The following SORCS2 variants were observed in gnomAD, a reference collection of about 807,000 sequenced individuals.
SORCS2 encodes the protein sortilin related VPS10 domain containing receptor 2, also known as VPS10 domain-containing receptor SorCS2.
Under a neutral mutation model 141.6 loss-of-function variants are expected in SORCS2, and 100 were observed. The ratio of observed to expected loss-of-function variants is 0.71; its 90% CI spans 0.60 to 0.83. The LOEUF (loss-of-function observed/expected upper bound fraction) is 0.83. SORCS2 is among the 40% of genes least tolerant of loss of function. The pLI, the probability that SORCS2 is intolerant of heterozygous loss-of-function variation, is 0.00. For missense variants in SORCS2, 1,646 were observed against 1,560.2 expected (o/e 1.05, Z -0.93); for synonymous variants, 789 against 676.9 (o/e 1.17, Z -2.57).
intron 3 of SORCS2, among the ~76,000 whole-genome samples, chr4:7,622,356 T>G (rs1019631887): frequency 2.5e-4 from 38 of 152,328 alleles, no homozygotes; most frequent in African/African-American, 8.9e-4. Context: ...TTTTATTCTG[T>G]GCCTTGCAGG....
At chr4:7,203,407 G>C (rs1024552276) in intron 1 of SORCS2, among the ~76,000 whole-genome samples, 2 of 152,208 alleles carry the variant, frequency 1.3e-5, no homozygotes, top group Non-Finnish European at 2.9e-5. Flanking sequence ...CTGGGCGACA[G>C]AGCAAGACTC....
intron 3 of SORCS2, among the ~76,000 whole-genome samples, chr4:7,606,487 C>G (rs1244730030): frequency 6.6e-6 from 1 of 152,116 alleles, no homozygotes; most frequent in Non-Finnish European, 1.5e-5. Flanking sequence ...CCTCCCAGAC[C>G]TGTAAGCTTC....
At chr4:7,470,262 C>T (rs905598570) in intron 2 of SORCS2, among the ~76,000 whole-genome samples, 4 of 151,830 alleles carry the variant, frequency 2.6e-5, no homozygotes, top group Non-Finnish European at 5.9e-5. Flanking sequence ...TCCTCCCATC[C>T]TCCCATCCTG....
At chr4:7,565,340 T>C (rs2109688777) in intron 3 of SORCS2, among the ~76,000 whole-genome samples, 1 of 152,210 alleles carries the variant, frequency 6.6e-6, no homozygotes, top group African/African-American at 2.4e-5. Context: ...GACCAGAAGA[T>C]GATGAGGATA....
intron 3 of SORCS2, among the ~76,000 whole-genome samples, chr4:7,570,455 G>T (rs1333680325): frequency 6.6e-6 from 1 of 152,250 alleles, no homozygotes; most frequent in African/African-American, 2.4e-5. Context: ...CTGCCCTGCA[G>T]GCTGGAGGCG....
At chr4:7,721,465 T>TA (rs574484344) in intron 18 of SORCS2, among the ~76,000 whole-genome samples, 23 of 150,624 alleles carry the variant, frequency 1.5e-4, no homozygotes, top group South Asian at 1.5e-3. Flanking sequence ...GATCCCGTCT[T>TA]AAAAAAAAAA....
intron 2 of SORCS2, among the ~76,000 whole-genome samples, chr4:7,530,067 G>A (rs1733926119): frequency 6.6e-6 from 1 of 152,214 alleles, no homozygotes. Flanking sequence ...AGCATGCCCA[G>A]AGATGATAAA....
At chr4:7,728,629 G>C (rs1018269046) in intron 22 of SORCS2, among the ~76,000 whole-genome samples, 167 bp downstream of exon 22, 1 of 152,182 alleles carries the variant, frequency 6.6e-6, no homozygotes, top group African/African-American at 2.4e-5. Context: ...TATGGATGGG[G>C]GGCAGGCACA....
In SORCS2 at chr4:7,723,845, C is replaced by G; in HGVS notation, c.2573C>G (p.Ala858Gly). 1.2e-6 allele frequency: 2 copies of G among 1,612,004 alleles called. No homozygotes were observed. Among genetic ancestry groups the G allele is most frequent in the Non-Finnish European group, 1.7e-6 (2 of 1,179,812 alleles). ...GTGTCCGTCAGGGCAGAGAACACGG[C>G]AGGCCACGATGAGGCGGTGCTCTTT... is the stretch of plus-strand genomic sequence containing the variant. ...YRVSVRAENT[A>G]GHDEAVLFVQ... The change falls in exon 19 of 27, where the codon GCA becomes GGA. Residue 858 changes from alanine to glycine, a missense_variant. Physicochemically the swap from Ala to Gly is moderately conservative, Grantham distance 60. Transcript: ENST00000507866.
intron 20 of SORCS2, among the ~76,000 whole-genome samples, chr4:7,726,205 G>T (rs1318946353): frequency 6.6e-6 from 1 of 152,228 alleles, no homozygotes; most frequent in Non-Finnish European, 1.5e-5. Flanking sequence ...GTGGAGATGG[G>T]AGATCACATG....
At chr4:7,454,257 T>G (rs1265087742) in intron 2 of SORCS2, among the ~76,000 whole-genome samples, 2 of 117,466 alleles carry the variant, frequency 1.7e-5, no homozygotes, top group Non-Finnish European at 3.5e-5. Context: ...GGGGTCAGGC[T>G]CTGTGTTGGG....
chr4:7,282,615 G>A (rs534084415), intron 1 of SORCS2, among the ~76,000 whole-genome samples: 19 of 152,288 alleles, frequency 1.2e-4, no homozygotes, highest in South Asian at 4.2e-4. Flanking sequence ...GGTGGGAGCC[G>A]GTGGGAAAGG....
At chr4:7,502,596 T>C (rs369209284) in intron 2 of SORCS2, among the ~76,000 whole-genome samples, 1 of 152,198 alleles carries the variant, frequency 6.6e-6, no homozygotes, top group East Asian at 1.9e-4. Context: ...GCTCCCTTGA[T>C]CACCTTGTCC....
chr4:7,538,895 C>G (rs571484839), intron 3 of SORCS2, among the ~76,000 whole-genome samples: 2 of 152,194 alleles, frequency 1.3e-5, no homozygotes, highest in Non-Finnish European at 2.9e-5. Context: ...GTGAAAACCT[C>G]CACTTGGCAG....
At chr4:7,306,154 C>CAGCT (rs1253888366) in intron 1 of SORCS2, among the ~76,000 whole-genome samples, 10 of 152,224 alleles carry the variant, frequency 6.6e-5, no homozygotes, top group African/African-American at 2.4e-4. Context: ...TATCCCCAGA[C>CAGCT]AGCTGCATGT....
intron 3 of SORCS2, among the ~76,000 whole-genome samples, chr4:7,622,131 C>G (rs1719236471): frequency 6.6e-6 from 1 of 152,146 alleles, no homozygotes; most frequent in South Asian, 2.1e-4. Context: ...TCCCTGCGCT[C>G]CTCAGCAGGC....
chr4:7,420,168 G>T (rs1246025966), intron 2 of SORCS2, among the ~76,000 whole-genome samples: 2 of 152,230 alleles, frequency 1.3e-5, no homozygotes, highest in Non-Finnish European at 2.9e-5. Context: ...TCCACAATGT[G>T]CCTGGGGGGC....
At chr4:7,641,013 G>A (rs1227146050) in intron 4 of SORCS2, among the ~76,000 whole-genome samples, 1 of 152,194 alleles carries the variant, frequency 6.6e-6, no homozygotes, top group Non-Finnish European at 1.5e-5. Context: ...CAGGGTCAGA[G>A]AAGGGTTGGA....
At chr4:7,196,634 C>G (rs1727183126) in intron 1 of SORCS2, among the ~76,000 whole-genome samples, 1 of 149,988 alleles carries the variant, frequency 6.7e-6, no homozygotes, top group Admixed American at 6.6e-5. Flanking sequence ...CTCCCCTCCC[C>G]CTTCCCTCTC....
Sources: allele counts gnomAD v4.1 joint callset (sites outside exome capture counted in the v4.1 genomes callset), GRCh38; gene constraint gnomAD v4.1.1; transcripts MANE v1.5; gene names NCBI Gene and HGNC (gene_info 2026-07-23, HGNC 2026-07-21).